KDM4C: variants seen among roughly 807,000 people sequenced by gnomAD.
The protein encoded by KDM4C is lysine demethylase 4C.
In KDM4C, 81 loss-of-function variants were observed where a neutral mutation model predicts 129.3. The ratio of observed to expected loss-of-function variants is 0.63; its 90% CI spans 0.52 to 0.75. The LOEUF is 0.75. KDM4C is among the 30% of genes least tolerant of loss of function. The pLI is 0.00. For synonymous variants in KDM4C, 573 were observed against 456.1 expected, an observed-to-expected ratio of 1.26 and a Z score of -3.26; for missense variants, 1,457 against 1,304.0, an observed-to-expected ratio of 1.12 and a Z score of -1.81.
chr9:6,937,462 AT>A (rs1482878932), intron 8 of KDM4C, among the ~76,000 whole-genome samples: 1 of 152,098 alleles, frequency 6.6e-6, no homozygotes, highest in African/African-American at 2.4e-5. Flanking sequence ...AATGCCAAGT[AT>A]TTATTCTTCC....
At chr9:6,757,872 C>G (rs950430572), upstream of KDM4C, 5 of 985,472 alleles carry the variant, frequency 5.1e-6, no homozygotes, top group Admixed American at 6.1e-5. Flanking sequence ...GAGCCCAAAG[C>G]AAGAGCGTGC....
chr9:6,762,777 G>A (rs1220810387), intron 1 of KDM4C, among the ~76,000 whole-genome samples: 1 of 151,270 alleles, frequency 6.6e-6, no homozygotes, highest in African/African-American at 2.4e-5. Flanking sequence ...TCCTGCCTTA[G>A]CCTCCCAAGT....
chr9:7,076,582 C>T (rs1015728879), intron 17 of KDM4C: 70 of 1,499,798 alleles, frequency 4.7e-5, no homozygotes, highest in Non-Finnish European at 5.4e-5. Flanking sequence ...GAGCAGCCAG[C>T]ATCGTGTTTA....
intron 19 of KDM4C, among the ~76,000 whole-genome samples, chr9:7,143,159 C>T (rs1352947347): frequency 6.6e-6 from 1 of 152,344 alleles, no homozygotes; most frequent in African/African-American, 2.4e-5. Context: ...CAGGTGCCCA[C>T]TTACCCTGGG....
intron 1 of KDM4C, among the ~76,000 whole-genome samples, chr9:6,736,284 G>A (rs35824264): frequency 0.077 from 11,714 of 152,258 alleles, 581 homozygotes; most frequent in Non-Finnish European, 0.12. Flanking sequence ...TCCAGATGCA[G>A]AAATTTGCAT....
intron 6 of KDM4C, 101 bp downstream of exon 6, chr9:6,880,162 C>G (rs2130771554): frequency 1.6e-6 from 1 of 627,312 alleles, no homozygotes; most frequent in East Asian, 3.0e-5. Context: ...GACCGTTACT[C>G]TGTTGGTTTT....
intron 17 of KDM4C, among the ~76,000 whole-genome samples, chr9:7,064,255 T>C (rs1476361369): frequency 2.0e-5 from 3 of 152,196 alleles, no homozygotes; most frequent in East Asian, 1.9e-4. Flanking sequence ...GGATGTAAAA[T>C]ATCTCACTGA....
intron 19 of KDM4C, among the ~76,000 whole-genome samples, chr9:7,164,041 C>T (rs1844095918): frequency 6.6e-6 from 1 of 152,156 alleles, no homozygotes. Flanking sequence ...GATTTCCAAT[C>T]ATAAACAACT....
chr9:6,863,379 G>C (rs1205299899), intron 5 of KDM4C, among the ~76,000 whole-genome samples: 2 of 152,142 alleles, frequency 1.3e-5, no homozygotes, highest in South Asian at 2.1e-4. Context: ...AGATTTATTT[G>C]GCTCACAATT....
intron 21 of KDM4C, 140 bp downstream of exon 21, chr9:7,170,030 G>A (rs1248270804): frequency 2.0e-6 from 3 of 1,534,746 alleles, no homozygotes; most frequent in South Asian, 2.4e-5. Flanking sequence ...TTCCTTAGTG[G>A]AACCTATTGA....
At chr9:6,893,471 A>C in intron 8 of KDM4C, 1 of 319,630 alleles carries the variant, frequency 3.1e-6, no homozygotes, top group Non-Finnish European at 5.7e-6. Context: ...AGGTAATTTG[A>C]TGCGACGTGT....
intron 12 of KDM4C, among the ~76,000 whole-genome samples, chr9:7,010,782 G>T (rs1034827231): frequency 1.3e-5 from 2 of 152,208 alleles, no homozygotes; most frequent in Admixed American, 1.3e-4. Context: ...AGTGGTTCAT[G>T]CCTGTAATTC....
chr9:6,897,589 C>T (rs1208968076), intron 8 of KDM4C, among the ~76,000 whole-genome samples: 2 of 152,168 alleles, frequency 1.3e-5, no homozygotes, highest in Admixed American at 6.5e-5. Context: ...TTCAGGTAGT[C>T]ACATGTTCAT....
At chr9:6,948,643 G>A (rs1005138582) in intron 8 of KDM4C, among the ~76,000 whole-genome samples, 5 of 151,534 alleles carry the variant, frequency 3.3e-5, no homozygotes, top group Non-Finnish European at 5.9e-5. Flanking sequence ...CTTCCGCAGT[G>A]TTTGTGTCCC....
At chr9:7,075,576 C>G (rs1479493226) in intron 17 of KDM4C, among the ~76,000 whole-genome samples, 1 of 152,138 alleles carries the variant, frequency 6.6e-6, no homozygotes. Context: ...GCACTCCCAC[C>G]CCACTTCTGC....
At chr9:6,860,660 C>T (rs1041867759) in intron 5 of KDM4C, among the ~76,000 whole-genome samples, 2 of 152,170 alleles carry the variant, frequency 1.3e-5, no homozygotes, top group African/African-American at 4.8e-5. Context: ...TGAGAAGAGA[C>T]ATAGAGTCTG....
intron 3 of KDM4C, 123 bp downstream of exon 3, chr9:6,805,897 T>C: frequency 1.3e-6 from 1 of 776,766 alleles, no homozygotes; most frequent in Middle Eastern, 2.6e-4. Flanking sequence ...TTTTTCACCC[T>C]TCATTGAACT....
intron 17 of KDM4C, among the ~76,000 whole-genome samples, chr9:7,049,861 T>C (rs1790938283): frequency 6.6e-6 from 1 of 152,126 alleles, no homozygotes; most frequent in South Asian, 2.1e-4. Flanking sequence ...TAGGCCCTTA[T>C]ATTGCATACC....
chr9:6,819,361 G>T, intron 4 of KDM4C, among the ~76,000 whole-genome samples: 1 of 152,286 alleles, frequency 6.6e-6, no homozygotes, highest in East Asian at 1.9e-4. Flanking sequence ...CTTCAGATTT[G>T]TGTAACTTTT....
Sources: gnomAD v4.1 joint callset for allele counts (sites outside exome capture counted in the v4.1 genomes callset) on GRCh38, gnomAD v4.1.1 for gene constraint, MANE v1.5 for transcripts, NCBI Gene and HGNC (gene_info 2026-07-23, HGNC 2026-07-21) for gene names.